DOCK2: variants seen among roughly 807,000 people sequenced by gnomAD.
DOCK2 encodes dedicator of cytokinesis protein 2.
Under a neutral mutation model 248.9 loss-of-function variants are expected in DOCK2, and 87 were observed. The ratio of observed to expected loss-of-function variants is 0.35; its 90% CI spans 0.29 to 0.42. The LOEUF (loss-of-function observed/expected upper bound fraction) is 0.42. Ranked by LOEUF, DOCK2 falls within the 10% of genes least tolerant of loss-of-function variation. The pLI is 1.00. For synonymous variants in DOCK2, 805 were observed against 821.6 expected (o/e 0.98, Z 0.35); for missense variants, 1,747 against 2,300.2 (o/e 0.76, Z 4.92).
chr5:169,866,037 AG>A (rs142233412), intron 27 of DOCK2, among the ~76,000 whole-genome samples: 1 of 145,282 alleles, frequency 6.9e-6, no homozygotes, highest in Admixed American at 6.7e-5. Flanking sequence ...CAGAGGGGCG[AG>A]GGGGCCTGTT....
At chr5:169,872,867 A>C (rs1224068603) in intron 27 of DOCK2, among the ~76,000 whole-genome samples, 1 of 152,334 alleles carries the variant, frequency 6.6e-6, no homozygotes, top group East Asian at 1.9e-4. Flanking sequence ...TAAAATGGGA[A>C]TGTTAATCCT....
chr5:169,644,724 T>C (rs765862158), intron 1 of DOCK2, among the ~76,000 whole-genome samples: 18 of 151,992 alleles, frequency 1.2e-4, no homozygotes, highest in Non-Finnish European at 2.5e-4. Context: ...GCTGCACCTA[T>C]CTTCCCGTCA....
intron 27 of DOCK2, among the ~76,000 whole-genome samples, chr5:169,845,243 C>T (rs1312949524): frequency 1.3e-5 from 2 of 151,008 alleles, no homozygotes; most frequent in Non-Finnish European, 3.0e-5. Flanking sequence ...GCTTTTGGCC[C>T]ACCTGTCCCC....
Position 170,082,958 on chromosome 5 carries a change from G to A in DOCK2, c.*100G>A. 1.4e-6 allele frequency: 2 copies of A among 1,473,536 alleles called. No homozygotes were observed. Among genetic ancestry groups the A allele is most frequent in the Non-Finnish European group, 1.9e-6 (2 of 1,064,328 alleles). The allele number at this position is 1,473,536 out of a possible 1,614,324, so 91.3% of individuals were successfully genotyped here. A position where few individuals can be genotyped will look rare whatever the true frequency, so the allele number is the denominator to read the frequency against. On this transcript the variant is annotated 3_prime_UTR_variant, in exon 52 of 52. Transcript: ENST00000520908. ...TCGAAGCCTCAGAGAGTGGGAGACT[G>A]TCCCCATCAGTTGTCCTTACTTAGA...
At chr5:169,789,446 C>T (rs889223978) in intron 25 of DOCK2, among the ~76,000 whole-genome samples, 4 of 152,188 alleles carry the variant, frequency 2.6e-5, no homozygotes, top group African/African-American at 9.7e-5. Flanking sequence ...TTTCTTACTG[C>T]TCCCATCAAT....
rs1764683405 is a variant in DOCK2, at chr5:169,764,957, T to G, written c.2554+3332T>G. ...AGAAGTAGAGGTCAAGGTGAAATAT[T>G]TGTGATTTCTCACTTCATTGTTTGT... On this transcript the variant is annotated intron_variant, in intron 25 of 51. Coordinates refer to ENST00000520908, the MANE Select transcript of DOCK2 (RefSeq NM_004946.3). The surrounding 1 kb of genome is among the most constrained non-coding windows in gnomAD (Gnocchi z 4.3). 6.6e-6 allele frequency among the ~76,000 whole-genome samples: 1 copy of G among 152,130 alleles called. No individual in the cohort carries two copies. Among genetic ancestry groups the G allele is most frequent in the South Asian group, 2.1e-4 (1 of 4,820 alleles).
chr5:169,937,852 A>G (rs1277704427), intron 27 of DOCK2, among the ~76,000 whole-genome samples: 1 of 152,130 alleles, frequency 6.6e-6, no homozygotes, highest in African/African-American at 2.4e-5. Context: ...GAAATCAAAT[A>G]TTTCTTCTCT....
intron 27 of DOCK2, among the ~76,000 whole-genome samples, chr5:169,862,701 C>G (rs1346768134): frequency 6.6e-6 from 1 of 152,208 alleles, no homozygotes; most frequent in African/African-American, 2.4e-5. Flanking sequence ...ATAGTGCAAG[C>G]TGATATTCCT....
At chr5:170,070,587 T>C (rs75580683) in intron 46 of DOCK2, among the ~76,000 whole-genome samples, 18,258 of 152,234 alleles carry the variant, frequency 0.12, 1,271 homozygotes, top group Non-Finnish European at 0.16. Flanking sequence ...ATAATGATGT[T>C]CTCCCTTAGC....
chr5:169,766,213 C>A (rs12520740), intron 25 of DOCK2, among the ~76,000 whole-genome samples: 1 of 151,928 alleles, frequency 6.6e-6, no homozygotes, highest in Admixed American at 6.6e-5. Context: ...TTGATCCTTA[C>A]CCTCCTCCCA....
At position 170,042,084 on chromosome 5, in the gene DOCK2, G is replaced by C. The variant is rs6555882; in HGVS notation, c.3828G>C (p.Leu1276=). The C allele has an allele frequency of 0.03, 48,672 of 1,613,438 alleles. 3,193 individuals are homozygous for C. Among genetic ancestry groups the C allele is most frequent in the African/African-American group, 0.27 (19,960 of 74,892 alleles). ...GQQHPQTHRQ[L]KETLYETIIG... is the part of the protein sequence containing the mutation. ...AGCACCCCCAGACACACCGGCAGCT[G>C]AAGGAGACGCTCTACGAGACCATCA... Residue 1276 remains leucine (L), a synonymous_variant, in exon 38 of 52, where the codon CTG becomes CTC. Transcript: ENST00000520908.
chr5:169,867,839 T>C (rs1002142733), intron 27 of DOCK2, among the ~76,000 whole-genome samples: 1 of 152,130 alleles, frequency 6.6e-6, no homozygotes, highest in African/African-American at 2.4e-5. Flanking sequence ...TTCTCCCCAG[T>C]GGAAACTGGA....
At chr5:169,714,327 A>G (rs1455057286) in intron 18 of DOCK2, 33 bp from the exon 19 acceptor site, 1 of 1,613,894 alleles carries the variant, frequency 6.2e-7, no homozygotes, top group Non-Finnish European at 8.5e-7. Flanking sequence ...TAGGCCAGTA[A>G]TGATACTTCT....
At chr5:169,702,450 G>T (rs146647976) in intron 14 of DOCK2, 23 bp downstream of exon 14, 3 of 1,612,466 alleles carry the variant, frequency 1.9e-6, no homozygotes, top group Non-Finnish European at 2.5e-6. Context: ...CTGCTGCTCT[G>T]GGTGACAGGG....
chr5:170,012,974 C>T (rs902045910), intron 32 of DOCK2, among the ~76,000 whole-genome samples: 2 of 151,638 alleles, frequency 1.3e-5, no homozygotes, highest in African/African-American at 4.8e-5. Flanking sequence ...CAGCTTGGTG[C>T]GGAGGTCCAG....
At chr5:169,930,510 C>A (rs1335052441) in intron 27 of DOCK2, among the ~76,000 whole-genome samples, 6 of 152,122 alleles carry the variant, frequency 3.9e-5, no homozygotes, top group African/African-American at 1.4e-4. Flanking sequence ...GAGTAAAAAT[C>A]TGCCTGGAAT....
At chr5:170,057,781 G>A in intron 44 of DOCK2, 115 bp downstream of exon 44, 2 of 904,290 alleles carry the variant, frequency 2.2e-6, no homozygotes, top group East Asian at 2.9e-5. Context: ...TGAAGCTGCT[G>A]TGTGAGTCCC....
chr5:170,052,433 TC>T (rs1425907533), intron 41 of DOCK2, among the ~76,000 whole-genome samples: 3 of 152,082 alleles, frequency 2.0e-5, no homozygotes, highest in African/African-American at 7.2e-5. Flanking sequence ...ACACAACATC[TC>T]CCCTGGTTCA....
At chr5:169,814,871 A>G (rs1418854085) in intron 26 of DOCK2, among the ~76,000 whole-genome samples, 4 of 152,188 alleles carry the variant, frequency 2.6e-5, no homozygotes, top group Non-Finnish European at 5.9e-5. Context: ...TAAGACAAAA[A>G]AATCCAGAAA....
Sources: allele counts gnomAD v4.1 joint callset (sites outside exome capture counted in the v4.1 genomes callset), GRCh38; gene constraint gnomAD v4.1.1; non-coding constraint Gnocchi (gnomAD v3.1); transcripts MANE v1.5; gene names NCBI Gene and HGNC (gene_info 2026-07-23, HGNC 2026-07-21).